CNTN4: variants seen among roughly 807,000 people sequenced by gnomAD.
The protein encoded by CNTN4 is contactin-4.
Under a neutral mutation model 122.5 loss-of-function variants are expected in CNTN4, and 77 were observed. The ratio of observed to expected loss-of-function variants is 0.63; its 90% confidence interval spans 0.52 to 0.76. The LOEUF is 0.76. Among genes scored for constraint, CNTN4 ranks in the 30% least tolerant of loss-of-function variants. The probability of loss-of-function intolerance (pLI) is 0.00; values close to 1 mark genes in which losing one functional copy is unlikely to be tolerated. For synonymous variants in CNTN4, 512 were observed against 447.0 expected (o/e 1.15, Z -1.83); for missense variants, 1,256 against 1,259.1 (o/e 1.00, Z 0.04).
At chr3:2,710,269 G>A (rs2675291) in intron 4 of CNTN4, among the ~76,000 whole-genome samples, 88,320 of 152,060 alleles carry the variant, frequency 0.58, 28,753 homozygotes, top group African/African-American at 0.89. Context: ...TGTATAGGAT[G>A]TGTGTAAAGC....
chr3:2,484,977 G>A (rs545463712), intron 3 of CNTN4, among the ~76,000 whole-genome samples: 131 of 152,334 alleles, frequency 8.6e-4, no homozygotes, highest in African/African-American at 2.9e-3. Context: ...CCAGGTGGCC[G>A]TGGGCTCGGC....
intron 2 of CNTN4, among the ~76,000 whole-genome samples, chr3:2,154,778 CG>C (rs2035647905): frequency 6.6e-6 from 1 of 152,184 alleles, no homozygotes; most frequent in Non-Finnish European, 1.5e-5. Flanking sequence ...ACTCCCAATT[CG>C]TGGGAAGAGT....
intron 8 of CNTN4, among the ~76,000 whole-genome samples, chr3:2,868,598 AGACTACACTGTG>A (rs145862820): frequency 0.015 from 2,282 of 152,268 alleles, 55 homozygotes; most frequent in African/African-American, 0.053. Context: ...CTTTCTACAT[AGACTACACTGTG>A]GAATTTTTGA....
intron 7 of CNTN4, among the ~76,000 whole-genome samples, chr3:2,864,647 G>A (rs2093704270): frequency 6.7e-6 from 1 of 149,372 alleles, no homozygotes; most frequent in Non-Finnish European, 1.5e-5. Flanking sequence ...GCTGAGACAG[G>A]AGAATTGCTT....
chr3:2,356,460 C>T (rs762406581), intron 3 of CNTN4, among the ~76,000 whole-genome samples: 6 of 152,040 alleles, frequency 3.9e-5, no homozygotes, highest in African/African-American at 7.3e-5. Flanking sequence ...ACTGTCATGG[C>T]GCTGGTGGGA....
intron 10 of CNTN4, 25 bp downstream of exon 10, chr3:2,887,249 A>G (rs768033053): frequency 6.3e-7 from 1 of 1,599,560 alleles, no homozygotes. Context: ...TCAGTTTATC[A>G]TTTATAGTGC....
intron 24 of CNTN4, among the ~76,000 whole-genome samples, chr3:3,054,580 T>C (rs1245147660): frequency 6.6e-6 from 1 of 152,210 alleles, no homozygotes; most frequent in African/African-American, 2.4e-5. Context: ...TTTGTAAGTA[T>C]CTTAAGAGCA....
At chr3:2,725,611 A>G (rs1285034056) in intron 4 of CNTN4, among the ~76,000 whole-genome samples, 1 of 152,164 alleles carries the variant, frequency 6.6e-6, no homozygotes, top group Non-Finnish European at 1.5e-5. Flanking sequence ...GGCCTGGACA[A>G]CACACATGAT....
chr3:2,364,360 G>T (rs1374749063), intron 3 of CNTN4, among the ~76,000 whole-genome samples: 1 of 152,022 alleles, frequency 6.6e-6, no homozygotes, highest in Non-Finnish European at 1.5e-5. Context: ...CATCATAGTT[G>T]CTGCCCTTGC....
intron 3 of CNTN4, among the ~76,000 whole-genome samples, chr3:2,394,014 C>T (rs538384416): frequency 1.3e-5 from 2 of 152,052 alleles, no homozygotes; most frequent in East Asian, 1.9e-4. Context: ...TCTCATCTTA[C>T]AAATAAGAAA....
At chr3:2,242,373 A>C (rs1308379109) in intron 2 of CNTN4, among the ~76,000 whole-genome samples, 2 of 152,156 alleles carry the variant, frequency 1.3e-5, no homozygotes, top group Admixed American at 6.5e-5. Context: ...TATGTTATTC[A>C]GACTCAAGAT....
intron 2 of CNTN4, among the ~76,000 whole-genome samples, chr3:2,283,726 A>G (rs532645528): frequency 1.3e-5 from 2 of 152,186 alleles, no homozygotes; most frequent in South Asian, 2.1e-4. Context: ...GGGTTAGTCA[A>G]TTTTGCATTG....
chr3:2,157,928 T>C (rs1465854833), intron 2 of CNTN4, among the ~76,000 whole-genome samples: 2 of 152,182 alleles, frequency 1.3e-5, no homozygotes, highest in Non-Finnish European at 2.9e-5. Context: ...TTCTCAGAAA[T>C]CTATCAAAAC....
At chr3:2,325,081 A>G (rs2043406067) in intron 2 of CNTN4, among the ~76,000 whole-genome samples, 1 of 152,184 alleles carries the variant, frequency 6.6e-6, no homozygotes, top group East Asian at 1.9e-4. Flanking sequence ...GATCAAAGCT[A>G]TTTTTGTAAT....
At chr3:2,825,132 G>A (rs553707757) in intron 7 of CNTN4, among the ~76,000 whole-genome samples, 9 of 152,218 alleles carry the variant, frequency 5.9e-5, no homozygotes. Flanking sequence ...TATAATTCTA[G>A]CATTTTGTGA....
At chr3:2,760,429 C>G (rs1175482447) in intron 6 of CNTN4, among the ~76,000 whole-genome samples, 1 of 151,976 alleles carries the variant, frequency 6.6e-6, no homozygotes, top group Non-Finnish European at 1.5e-5. Context: ...TTAATATCAT[C>G]TGTTGAAAAG....
At chr3:2,840,153 A>T (rs764623899) in intron 7 of CNTN4, among the ~76,000 whole-genome samples, 9 of 152,086 alleles carry the variant, frequency 5.9e-5, no homozygotes, top group Non-Finnish European at 8.8e-5. Context: ...TTCCAGCCAG[A>T]TTCAGCTTAC....
At chr3:2,140,580 G>A (rs2125330742) in intron 2 of CNTN4, among the ~76,000 whole-genome samples, 1 of 152,164 alleles carries the variant, frequency 6.6e-6, no homozygotes, top group African/African-American at 2.4e-5. Context: ...TCTTTTATAA[G>A]GGCGCTAACC....
At chr3:2,778,777 G>A (rs542116779) in intron 6 of CNTN4, among the ~76,000 whole-genome samples, 66 of 152,210 alleles carry the variant, frequency 4.3e-4, no homozygotes, top group Non-Finnish European at 7.2e-4. Flanking sequence ...AATAATAGCT[G>A]ACTTTTAATG....
Sources: gnomAD v4.1 joint callset for allele counts (sites outside exome capture counted in the v4.1 genomes callset) on GRCh38, gnomAD v4.1.1 for gene constraint, MANE v1.5 for transcripts, NCBI Gene and HGNC (gene_info 2026-07-23, HGNC 2026-07-21) for gene names.